The following MYH15 variants were observed in gnomAD, a reference collection of about 807,000 sequenced individuals.
The protein encoded by MYH15 is myosin heavy chain 15, also known as myosin-15.
In MYH15, 227 loss-of-function variants were observed where a neutral mutation model predicts 240.5. The observed-to-expected ratio is 0.94, with a 90% CI of 0.85 to 1.05. The LOEUF (loss-of-function observed/expected upper bound fraction) is 1.05. MYH15 is among the 50% of genes least tolerant of loss of function. The probability of loss-of-function intolerance (pLI) is 0.00; values close to 1 mark genes in which losing one functional copy is unlikely to be tolerated. For missense variants in MYH15, 2,217 were observed against 2,247.5 expected, an observed-to-expected ratio of 0.99 and a Z score of 0.27; for synonymous variants, 785 against 796.7, an observed-to-expected ratio of 0.99 and a Z score of 0.25.
chr3:108,527,077 C>T (rs2083678424), intron 1 of MYH15, among the ~76,000 whole-genome samples: 1 of 152,126 alleles, frequency 6.6e-6, no homozygotes, highest in Admixed American at 6.6e-5. Context: ...TGTTAAAACG[C>T]AGATTGCCAT....
Position 108,405,389 on chromosome 3 carries a change from G to A in MYH15, c.4685C>T (p.Ala1562Val). 4 of 1,522,580 alleles carry A rather than the reference G, an allele frequency of 2.6e-6. No homozygotes were observed. The highest frequency in any genetic ancestry group is 1.3e-5 in the South Asian group (1 of 75,446). The allele number at this position is 1,522,580 out of a possible 1,614,324, so 94.3% of individuals were successfully genotyped here. The change falls in exon 33 of 41, where the codon GCA becomes GTA. Residue 1562 changes from alanine (A) to valine (V), a missense_variant. Ala to Val is a moderately conservative substitution (Grantham distance 64, BLOSUM62 0). Coordinates refer to ENST00000693548, the MANE Select transcript of MYH15 (RefSeq NM_014981.3). ...CTCTGAAAGCTTTCTTTCAAGTTCT[G>A]CTTTAGCTTCCAAGAGTTCAAGCTG... ...HFQLELLEAK[A>V]ELERKLSEKD...
At chr3:108,394,638 CTTACT>C (rs1339006881) in intron 35 of MYH15, among the ~76,000 whole-genome samples, 2 of 152,270 alleles carry the variant, frequency 1.3e-5, no homozygotes, top group East Asian at 3.9e-4. Flanking sequence ...CCCTTCCTAT[CTTACT>C]TTACAGTGAG....
intron 21 of MYH15, among the ~76,000 whole-genome samples, chr3:108,446,608 G>T (rs2082930854): frequency 6.6e-6 from 1 of 152,192 alleles, no homozygotes; most frequent in Non-Finnish European, 1.5e-5. Flanking sequence ...AAAAAATGGA[G>T]ATCTACAAAG....
At chr3:108,406,357 C>G (rs2082546372) in intron 32 of MYH15, among the ~76,000 whole-genome samples, 1 of 152,074 alleles carries the variant, frequency 6.6e-6, no homozygotes, top group Non-Finnish European at 1.5e-5. Context: ...AAAAGTAAAA[C>G]TGAGTTGCAA....
chr3:108,470,822 G>C lies in MYH15; in HGVS notation c.1259C>G (p.Ser420Cys). ...EQVTCAVGAL[S>C]KSMYERMFKW... ...AAACATCCTTTCATACATTGACTTG[G>C]ACAGGGCACCGACAGCACAGGTTAC... The change falls in exon 13 of 41, where the codon TCC (serine) becomes TGC (cysteine). Residue 420 changes from serine (S) to cysteine (C), a missense_variant. By Grantham distance (112) the Ser-to-Cys change is moderately radical. Coordinates refer to ENST00000693548, the MANE Select transcript of MYH15 (RefSeq NM_014981.3). 6.2e-7 allele frequency: 1 copy of C among 1,613,622 alleles called. No individual in the cohort carries two copies. Among genetic ancestry groups the C allele is most frequent in the Non-Finnish European group, 8.5e-7 (1 of 1,179,778 alleles).
chr3:108,492,201 T>TACACAC (rs10662107), intron 9 of MYH15, among the ~76,000 whole-genome samples: 12,212 of 147,902 alleles, frequency 0.083, 980 homozygotes, highest in African/African-American at 0.22. Context: ...AATGCTTTTA[T>TACACAC]ACACACACAC....
upstream of MYH15, among the ~76,000 whole-genome samples, chr3:108,532,427 T>C (rs1367265699): frequency 1.3e-5 from 2 of 152,232 alleles, no homozygotes; most frequent in African/African-American, 2.4e-5. Flanking sequence ...CTTTGGACTC[T>C]GACTAAAACA....
intron 25 of MYH15, among the ~76,000 whole-genome samples, chr3:108,433,880 C>A (rs1482953524): frequency 3.9e-5 from 6 of 152,116 alleles, no homozygotes; most frequent in African/African-American, 1.4e-4. Flanking sequence ...CATACCCAAT[C>A]CCTGCTTTCC....
chr3:108,460,965 G>T (rs2107581098), intron 16 of MYH15, among the ~76,000 whole-genome samples: 1 of 152,050 alleles, frequency 6.6e-6, no homozygotes, highest in Middle Eastern at 3.4e-3. Context: ...TTTCTATATT[G>T]TCTGTGTTTT....
chr3:108,391,673 T>A (rs569357093), intron 37 of MYH15, 87 bp downstream of exon 37: 1 of 1,372,880 alleles, frequency 7.3e-7, no homozygotes, highest in Non-Finnish European at 1.0e-6. Context: ...GGTATGTGTG[T>A]TGGGGGGCAG....
upstream of MYH15, among the ~76,000 whole-genome samples, chr3:108,515,004 C>G (rs146233078): frequency 1.7e-3 from 258 of 152,178 alleles, no homozygotes; most frequent in Non-Finnish European, 3.0e-3. Context: ...TGTATAATTA[C>G]CAGTTCTTAT....
intron 25 of MYH15, among the ~76,000 whole-genome samples, chr3:108,435,770 T>C (rs2082827694): frequency 6.9e-6 from 1 of 144,068 alleles, no homozygotes; most frequent in Non-Finnish European, 1.5e-5. Flanking sequence ...TTTTTTTTCA[T>C]TTTTAAGTTT....
intron 14 of MYH15, among the ~76,000 whole-genome samples, chr3:108,465,233 T>C (rs2083104858): frequency 6.6e-6 from 1 of 152,192 alleles, no homozygotes; most frequent in Non-Finnish European, 1.5e-5. Flanking sequence ...ACACCTCTCC[T>C]GAATGAGAAC....
intron 22 of MYH15, among the ~76,000 whole-genome samples, chr3:108,443,818 A>G (rs2082903844): frequency 6.6e-6 from 1 of 151,554 alleles, no homozygotes; most frequent in Non-Finnish European, 1.5e-5. Flanking sequence ...ACCCACACAG[A>G]GTCTGCTTAA....
At chr3:108,424,576 G>A (rs1372861821) in intron 27 of MYH15, among the ~76,000 whole-genome samples, 2 of 152,100 alleles carry the variant, frequency 1.3e-5, no homozygotes, top group Non-Finnish European at 2.9e-5. Context: ...GAAATGCAGG[G>A]ACCAATGGGA....
intron 16 of MYH15, among the ~76,000 whole-genome samples, chr3:108,460,771 G>A (rs2083065333): frequency 6.6e-6 from 1 of 152,022 alleles, no homozygotes. Flanking sequence ...TAGATAAAAA[G>A]TTAGTTTACA....
chr3:108,497,984 G>A, intron 6 of MYH15, 68 bp downstream of exon 6: 2 of 1,408,468 alleles, frequency 1.4e-6, no homozygotes, highest in South Asian at 2.3e-5. Context: ...AAGTGGTCCG[G>A]ACACAACCTC....
chr3:108,427,983 T>C (rs1474410586), intron 27 of MYH15, among the ~76,000 whole-genome samples: 2 of 152,194 alleles, frequency 1.3e-5, no homozygotes, highest in Non-Finnish European at 2.9e-5. Context: ...TATAGGCTAA[T>C]GGGCTCAGTA....
In MYH15 at chr3:108,459,422, G is replaced by T. The variant is rs770912310; in HGVS notation, c.1960C>A (p.Leu654Met). The T allele has an allele frequency of 6.2e-7, 1 of 1,604,834 alleles. No individual in the cohort carries two copies. The highest frequency in any genetic ancestry group is 8.5e-7 in the Non-Finnish European group (1 of 1,176,746). The change falls in exon 18 of 41, where the codon CTG becomes ATG. Residue 654 changes from leucine to methionine, a missense_variant. Transcript: ENST00000693548. ...KENLNKLMTN[L>M]KSTAPHFVRC... ...ACAAAATGAGGTGCTGTTGATTTCA[G>T]ATTAGTCATCAATTTATTCAGGTTT... is the stretch of plus-strand genomic sequence containing the variant.
Sources: allele counts gnomAD v4.1 joint callset (sites outside exome capture counted in the v4.1 genomes callset), GRCh38; gene constraint gnomAD v4.1.1; transcripts MANE v1.5; gene names NCBI Gene and HGNC (gene_info 2026-07-23, HGNC 2026-07-21).